The following MIDN variants were observed in gnomAD, a reference collection of about 807,000 sequenced individuals.
The protein encoded by MIDN is midnolin.
In MIDN, 26 loss-of-function variants were observed where a neutral mutation model predicts 46.1. The observed-to-expected ratio is 0.56, with a 90% CI of 0.41 to 0.78. The LOEUF (loss-of-function observed/expected upper bound fraction) is 0.78, where lower values mean the gene tolerates loss of function less well. Ranked by LOEUF, MIDN falls within the 30% of genes least tolerant of loss-of-function variation. The probability of loss-of-function intolerance (pLI) is 0.00; values close to 1 mark genes in which losing one functional copy is unlikely to be tolerated. For missense variants in MIDN, 850 were observed against 771.8 expected, an observed-to-expected ratio of 1.10 and a Z score of -1.20; for synonymous variants, 432 against 343.3, an observed-to-expected ratio of 1.26 and a Z score of -2.86.
At position 1,251,840 on chromosome 19, in the gene MIDN, C is replaced by T. The variant is rs779362405; in HGVS notation, c.323C>T (p.Ser108Phe). Residue 108 changes from serine (S) to phenylalanine (F), a missense_variant and splice_region_variant, in exon 4 of 9, where the codon TCT becomes TTT. Transcript: ENST00000682408. ...LVPTVEAGLMSQASRPEQSVM... is the reference protein window; with the variant it reads ...LVPTVEAGLMFQASRPEQSVM... ...CCCCTCTCCTCCCTCTCTTTGTAGT[C>T]TCAGGCCTCAAGGCCGGAACAGTCC... The T allele has an allele frequency of 1.1e-5, 18 of 1,613,076 alleles. No homozygotes were observed. Among genetic ancestry groups the T allele is most frequent in the East Asian group, 6.7e-5 (3 of 44,876 alleles).
intron 2 of MIDN, 100 bp downstream of exon 2, chr19:1,250,629 A>G: frequency 1.8e-6 from 1 of 550,344 alleles, no homozygotes; most frequent in Non-Finnish European, 2.4e-6. Context: ...GCGGCCAGAC[A>G]GGGGGCGGGG....
At position 1,250,217 on chromosome 19, in the gene MIDN, G is replaced by T. The variant is rs2081107001; in HGVS notation, c.-80G>T. On this transcript the variant is annotated 5_prime_UTR_variant, in exon 2 of 9. Coordinates refer to ENST00000682408, the MANE Select transcript of MIDN (RefSeq NM_001388306.1). ...AGTGCCCGGAGGACCCGGCATCCGG[G>T]GAGCCTCTCGCCCCTGTCCCGGAGG... 9 of 565,886 alleles carry T rather than the reference G, an allele frequency of 1.6e-5. No homozygotes were observed. Among genetic ancestry groups the T allele is most frequent in the Non-Finnish European group, 2.0e-5 (9 of 446,968 alleles). 35.1% of individuals were successfully genotyped at this position (565,886 alleles called of 1,614,324 possible).
At chr19:1,253,274 C>T (rs537512467) in intron 4 of MIDN, among the ~76,000 whole-genome samples, 2 of 152,024 alleles carry the variant, frequency 1.3e-5, no homozygotes, top group Admixed American at 1.3e-4. Context: ...CTTCACCCTG[C>T]CCTCCTCCCT....
chr19:1,249,815 G>C (rs1373023005), intron 1 of MIDN, 75 bp from the exon 2 acceptor site: 2 of 151,492 alleles, frequency 1.3e-5, no homozygotes, highest in Non-Finnish European at 3.0e-5. Context: ...AGTAGTGAAT[G>C]GGAGGGGGCG....
rs142253784 is a variant in MIDN at position 1,255,632 on chromosome 19, C to T, written c.1196C>T (p.Thr399Met). The T allele has an allele frequency of 4.1e-4, 653 of 1,605,732 alleles. 2 individuals are homozygous for T. The highest frequency in any genetic ancestry group is 1.3e-4 in the Admixed American group (8 of 59,850). ...AGAACTACCTCCTGCGAGAAGCTCA[C>T]GGCTGCCCCCTCAGCCTCCCTGCTG... Reference protein sequence around the residue: ...APRTTSCEKLTAAPSASLLQG... With the variant: ...APRTTSCEKLMAAPSASLLQG... Residue 399 changes from threonine to methionine, a missense_variant, in exon 8 of 9, where the codon ACG becomes ATG. By Grantham distance (81) the Thr-to-Met change is moderately conservative. Transcript: ENST00000682408.
At chr19:1,255,316 A>G (rs1480309041) in intron 7 of MIDN, 106 bp from the exon 8 acceptor site, 7 of 1,384,424 alleles carry the variant, frequency 5.1e-6, no homozygotes, top group Non-Finnish European at 5.8e-6. Flanking sequence ...ATCAGCCCAC[A>G]TGTCCACGCC....
intron 6 of MIDN, among the ~76,000 whole-genome samples, 190 bp from the exon 7 acceptor site, chr19:1,254,712 A>G (rs1260211297): frequency 6.6e-6 from 1 of 151,690 alleles, no homozygotes; most frequent in East Asian, 1.9e-4. Context: ...TGATCTCTTG[A>G]TCTTTGACTC....
Position 1,251,858 on chromosome 19 carries a change from A to C in MIDN, c.341A>C (p.Glu114Ala). 6.2e-7 allele frequency: 1 copy of C among 1,613,460 alleles called. No homozygotes were observed. Among genetic ancestry groups the C allele is most frequent in the Middle Eastern group, 1.7e-4 (1 of 6,056 alleles). The change falls in exon 4 of 9, where the codon GAA (glutamate) becomes GCA (alanine). Residue 114 changes from glutamate (E) to alanine (A), a missense_variant. Glu to Ala is a moderately radical substitution (Grantham distance 107, BLOSUM62 -1). Transcript: ENST00000682408. ...TTGTAGTCTCAGGCCTCAAGGCCGGAACAGTCCGTGATGCAAGCTCTCGAG... is the reference window on the plus strand; with the variant it reads ...TTGTAGTCTCAGGCCTCAAGGCCGGCACAGTCCGTGATGCAAGCTCTCGAG... ...AGLMSQASRP[E>A]QSVMQALESL...
chr19:1,251,454 G>C (rs962702650), intron 2 of MIDN, 108 bp from the exon 3 acceptor site: 1 of 971,482 alleles, frequency 1.0e-6, no homozygotes. Context: ...GTGGGGGTGG[G>C]AACTTATCCG....
intron 1 of MIDN, among the ~76,000 whole-genome samples, chr19:1,249,531 G>C (rs2081095303): frequency 6.7e-6 from 1 of 149,690 alleles, no homozygotes; most frequent in East Asian, 2.0e-4. Flanking sequence ...CTCCAGACCT[G>C]GGTCCCGCGC....
chr19:1,250,310 C>T lies in MIDN; in HGVS notation c.14C>T (p.Pro5Leu). 3 of 990,080 alleles carry T rather than the reference C, an allele frequency of 3.0e-6. No individual in the cohort carries two copies. Among genetic ancestry groups the T allele is most frequent in the Non-Finnish European group, 3.6e-6 (3 of 834,238 alleles). The allele number at this position is 990,080 out of a possible 1,614,324, so 61.3% of individuals were successfully genotyped here. A position where few individuals can be genotyped will look rare whatever the true frequency, so the allele number is the denominator to read the frequency against. Residue 5 changes from proline (P) to leucine (L), a missense_variant, in exon 2 of 9, where the codon CCC (proline) becomes CTC (leucine). Transcript: ENST00000682408. MEPQ[P>L]GGARSCRRGA... is the part of the protein sequence containing the mutation. ...CGCGCGCCGGGGATGGAGCCGCAGC[C>T]CGGCGGCGCCCGGAGCTGCCGGCGC...
intron 5 of MIDN, 26 bp from the exon 6 acceptor site, chr19:1,254,141 C>A: frequency 6.3e-7 from 1 of 1,581,376 alleles, no homozygotes; most frequent in East Asian, 2.3e-5. Context: ...CTGGGGCTCC[C>A]AGCTGACGGA....
rs528357914 is a variant in MIDN, at chr19:1,257,041, G to T, written c.1305G>T (p.Val435=). ...AAAACCGCGCCACGCGCTGCAAGGT[G>T]GAACGGCTGCAGCTGCTTCTGCAGC... ...QTENRATRCK[V]ERLQLLLQQK... is the part of the protein sequence containing the mutation. The change falls in exon 9 of 9, where the codon GTG becomes GTT. Residue 435 remains valine, a synonymous_variant. Transcript: ENST00000682408. 1.9e-6 allele frequency: 3 copies of T among 1,612,262 alleles called. No individual in the cohort carries two copies. Among genetic ancestry groups the T allele is most frequent in the East Asian group, 2.2e-5 (1 of 44,878 alleles).
In MIDN at chr19:1,251,847, C is replaced by G. The variant is rs371232967; in HGVS notation, c.330C>G (p.Ala110=). The change falls in exon 4 of 9, where the codon GCC becomes GCG. Residue 110 remains alanine, a synonymous_variant. Transcript: ENST00000682408. ...PTVEAGLMSQ[A]SRPEQSVMQA... is the part of the protein sequence containing the mutation. ...CCTCCCTCTCTTTGTAGTCTCAGGC[C>G]TCAAGGCCGGAACAGTCCGTGATGC... is the stretch of plus-strand genomic sequence containing the variant. 1.9e-5 allele frequency: 30 copies of G among 1,613,302 alleles called. No individual in the cohort carries two copies. Among genetic ancestry groups the G allele is most frequent in the Non-Finnish European group, 2.4e-5 (28 of 1,179,680 alleles).
In MIDN at chr19:1,251,865, C is replaced by G. The variant is rs767640303; in HGVS notation, c.348C>G (p.Ser116=). ...LMSQASRPEQ[S]VMQALESLTE... is the part of the protein sequence containing the mutation. ...CTCAGGCCTCAAGGCCGGAACAGTCCGTGATGCAAGCTCTCGAGAGTCTCA... is the reference window on the plus strand; with the variant it reads ...CTCAGGCCTCAAGGCCGGAACAGTCGGTGATGCAAGCTCTCGAGAGTCTCA... The change falls in exon 4 of 9, where the codon TCC becomes TCG. Residue 116 remains serine (S), a synonymous_variant. Coordinates refer to ENST00000682408, the MANE Select transcript of MIDN (RefSeq NM_001388306.1). 4 of 1,613,440 alleles carry G rather than the reference C, an allele frequency of 2.5e-6. No individual in the cohort carries two copies. Among genetic ancestry groups the G allele is most frequent in the African/African-American group, 1.3e-5 (1 of 74,932 alleles).
rs987962228 is a variant in MIDN at position 1,257,412 on chromosome 19, T to G, written c.*140T>G. On this transcript the variant is annotated 3_prime_UTR_variant, in exon 9 of 9. Transcript: ENST00000682408. Reference sequence around the variant, plus strand: ...CCAGAAGTCTTTTTTTCTTTTCTTCTTTTTTATTATTTTTTTCTTTTTTTA... The same window carrying G: ...CCAGAAGTCTTTTTTTCTTTTCTTCGTTTTTATTATTTTTTTCTTTTTTTA... 1.4e-5 allele frequency: 9 copies of G among 642,960 alleles called. No homozygotes were observed. The African/African-American group carries it at 1.5e-4, about 11-fold the overall frequency. The allele number at this position is 642,960 out of a possible 1,614,324, so 39.8% of individuals were successfully genotyped here.
At chr19:1,253,427 C>CA (rs965662630) in intron 4 of MIDN, among the ~76,000 whole-genome samples, 1 of 151,398 alleles carries the variant, frequency 6.6e-6, no homozygotes, top group Non-Finnish European at 1.5e-5. Context: ...CGCCACCCCC[C>CA]CCCCCATCCC....
rs368557476 is a variant in MIDN at position 1,254,068 on chromosome 19, G to A, written c.499G>A (p.Gly167Ser). 8.2e-6 allele frequency: 12 copies of A among 1,470,742 alleles called. No individual in the cohort carries two copies. Among genetic ancestry groups the A allele is most frequent in the Middle Eastern group, 2.4e-4 (1 of 4,188 alleles). 91.1% of individuals were successfully genotyped at this position (1,470,742 alleles called of 1,614,324 possible). A position where few individuals can be genotyped will look rare whatever the true frequency, so the allele number is the denominator to read the frequency against. ...RQGPQSPERG[G>S]ERPQVSDFLS... ...GGGACCCCAGAGCCCAGAGAGGGGC[G>A]GCGAGAGGCCCCAGGTCACAGCGCG... Residue 167 changes from glycine (G) to serine (S), a missense_variant, in exon 5 of 9, where the codon GGC (glycine) becomes AGC (serine). By Grantham distance (56) the Gly-to-Ser change is moderately conservative. Transcript: ENST00000682408.
At position 1,254,000 on chromosome 19, in the gene MIDN, G is replaced by A. The variant is rs1281025645; in HGVS notation, c.431G>A (p.Arg144Gln). The A allele has an allele frequency of 1.6e-5, 23 of 1,401,900 alleles. No individual in the cohort carries two copies. Among genetic ancestry groups the A allele is most frequent in the Non-Finnish European group, 1.9e-5 (21 of 1,086,140 alleles). The allele number at this position is 1,401,900 out of a possible 1,614,324, so 86.8% of individuals were successfully genotyped here. A position where few individuals can be genotyped will look rare whatever the true frequency, so the allele number is the denominator to read the frequency against. ...GGCCGGGCTGGCGGAGGAGGCTTCC[G>A]GAAATACAGATTCATTTTATTTAAG... The part of the protein sequence containing the change: ...GPGRAGGGGF[R>Q]KYRFILFKRP... Residue 144 changes from arginine (R) to glutamine (Q), a missense_variant, in exon 5 of 9, where the codon CGG becomes CAG. Arg to Gln is a conservative substitution (Grantham distance 43). Transcript: ENST00000682408.
Sources: allele counts gnomAD v4.1 joint callset (sites outside exome capture counted in the v4.1 genomes callset), GRCh38; gene constraint gnomAD v4.1.1; transcripts MANE v1.5; gene names NCBI Gene and HGNC (gene_info 2026-07-23, HGNC 2026-07-21).